ANAPC1: variants seen among roughly 807,000 people sequenced by gnomAD.
ANAPC1 encodes the protein anaphase promoting complex subunit 1.
ANAPC1 carries 36 observed loss-of-function variants against 208.0 expected under a neutral mutation model. That is an observed-to-expected ratio of 0.17 (90% CI 0.13 to 0.23). The LOEUF is 0.23. ANAPC1 is among the 10% of genes least tolerant of loss of function. The probability of loss-of-function intolerance (pLI) is 1.00; values close to 1 mark genes in which losing one functional copy is unlikely to be tolerated. For missense variants in ANAPC1, 942 were observed against 2,011.6 expected (o/e 0.47, Z 10.17); for synonymous variants, 378 against 695.2 (o/e 0.54, Z 7.18).
Position 111,834,812 on chromosome 2 carries a change from T to A in ANAPC1, c.2176A>T (p.Arg726Ter). ...HQNVESHLLN[R>*]SLCLSPSEAS... ...TCTGAAGGACTCAGACATAAAGATC[T>A]GTTCAAAAGATGAGACTCAACATTC... Residue 726 changes from arginine to a stop codon, truncating the protein, a stop_gained, in exon 19 of 48, where the codon AGA (arginine) becomes TGA (stop). Transcript: ENST00000341068. LOFTEE classifies it high-confidence loss of function. 1 of 1,611,418 alleles carries A rather than the reference T, an allele frequency of 6.2e-7. No homozygotes were observed. Among genetic ancestry groups the A allele is most frequent in the Non-Finnish European group, 8.5e-7 (1 of 1,179,240 alleles).
intron 27 of ANAPC1, among the ~76,000 whole-genome samples, chr2:111,817,287 C>T (rs1023829576): frequency 6.7e-6 from 1 of 148,950 alleles, no homozygotes; most frequent in Non-Finnish European, 1.5e-5. Flanking sequence ...TTTTTAAACC[C>T]ACCCAAGTAT....
downstream of ANAPC1, chr2:111,766,735 TG>T (rs1250148508): frequency 3.1e-6 from 1 of 327,626 alleles, no homozygotes; most frequent in Non-Finnish European, 6.4e-6. Context: ...CTGACCCATC[TG>T]CCCACAGGCA....
intron 35 of ANAPC1, among the ~76,000 whole-genome samples, 183 bp from the exon 36 acceptor site, chr2:111,794,506 C>T (rs542091616): frequency 1.5e-3 from 230 of 152,094 alleles, no homozygotes; most frequent in African/African-American, 5.3e-3. Flanking sequence ...TCACCTTACT[C>T]ATGAAGTTTG....
rs763752022 is a variant in ANAPC1, at chr2:111,794,807, A to G, written c.4373+11T>C. ...CGCTAGGATAGCTAATTTGCATTAT[A>G]CATCACTTACGACAAAGTTTCCAAA... On this transcript the variant is annotated intron_variant, in intron 35 of 47. Transcript: ENST00000341068. 13 of 1,335,460 alleles carry G rather than the reference A, an allele frequency of 9.7e-6. No individual in the cohort carries two copies. The East Asian group carries it at 2.7e-4, about 28-fold the overall frequency. 82.7% of individuals were successfully genotyped at this position (1,335,460 alleles called of 1,614,324 possible). A position where few individuals can be genotyped will look rare whatever the true frequency, so the allele number is the denominator to read the frequency against.
chr2:111,770,228 T>TAA (rs1553410396), intron 47 of ANAPC1, among the ~76,000 whole-genome samples: 3 of 104,402 alleles, frequency 2.9e-5, no homozygotes, highest in African/African-American at 7.7e-5. Flanking sequence ...TATATATATA[T>TAA]AAATTCTTTA....
chr2:111,785,799 A>G (rs1384625046), intron 39 of ANAPC1, among the ~76,000 whole-genome samples: 1 of 150,060 alleles, frequency 6.7e-6, no homozygotes, highest in Non-Finnish European at 1.5e-5. Flanking sequence ...ACTCTCAAAA[A>G]CCCCTTTCTA....
intron 11 of ANAPC1, chr2:111,857,094 T>C (rs1396418267): frequency 5.8e-6 from 3 of 513,044 alleles, no homozygotes; most frequent in Non-Finnish European, 1.1e-5. Context: ...TATAAGGAGT[T>C]AACGTAAGAC....
rs982155048 is a variant in ANAPC1 at position 111,825,643 on chromosome 2, G to C, written c.2704+134C>G. 6.6e-5 allele frequency: 52 copies of C among 786,842 alleles called. No individual in the cohort carries two copies. In the South Asian group the frequency reaches 1.1e-3, roughly 17 times the overall value. 48.7% of individuals were successfully genotyped at this position (786,842 alleles called of 1,614,324 possible). ...GAAAATTAGTTGTGGACAAAAGACC[G>C]CAACAGACCAGAACAGTACTAAAAA... On this transcript the variant is annotated intron_variant, in intron 22 of 47. Transcript: ENST00000341068.
intron 9 of ANAPC1, among the ~76,000 whole-genome samples, chr2:111,862,902 T>G (rs1236253188): frequency 6.6e-6 from 1 of 152,120 alleles, no homozygotes; most frequent in African/African-American, 2.4e-5. Flanking sequence ...TGTCCCTGTA[T>G]AGTCAGACAT....
At chr2:111,880,164 C>T (rs1225963208) in intron 2 of ANAPC1, among the ~76,000 whole-genome samples, 5 of 151,802 alleles carry the variant, frequency 3.3e-5, no homozygotes, top group Non-Finnish European at 5.9e-5. Flanking sequence ...ACCTGAGGTC[C>T]GGAGTTCAAG....
chr2:111,794,355 A>C lies in ANAPC1; in HGVS notation c.4374-32T>G, dbSNP rs770291690. The C allele has an allele frequency of 2.3e-6, 3 of 1,284,458 alleles. No homozygotes were observed. In the East Asian group the frequency reaches 7.3e-5, roughly 31 times the overall value. The allele number at this position is 1,284,458 out of a possible 1,614,324, so 79.6% of individuals were successfully genotyped here. A position where few individuals can be genotyped will look rare whatever the true frequency, so the allele number is the denominator to read the frequency against. On this transcript the variant is annotated intron_variant, in intron 35 of 47. Coordinates refer to ENST00000341068, the MANE Select transcript of ANAPC1 (RefSeq NM_022662.4). ...ACAGGTGACAAGAAATTTAATAATC[A>C]TTATTTTACTTTAAAATTAACTTGA...
chr2:111,806,634 C>T (rs1221940636), intron 29 of ANAPC1, among the ~76,000 whole-genome samples: 1 of 108,652 alleles, frequency 9.2e-6, no homozygotes, highest in Non-Finnish European at 1.9e-5. Context: ...AAGGAGGTCA[C>T]TTACTTATGT....
chr2:111,874,687 G>A (rs893794950), intron 3 of ANAPC1, among the ~76,000 whole-genome samples: 2 of 152,184 alleles, frequency 1.3e-5, no homozygotes, highest in Non-Finnish European at 2.9e-5. Context: ...GACATGGGTT[G>A]TTTCTACCTT....
In ANAPC1 at chr2:111,880,007, C is replaced by T. The variant is rs1275007132; in HGVS notation, c.213+606G>A. On this transcript the variant is annotated intron_variant, in intron 2 of 47. Transcript: ENST00000341068. The stretch of plus-strand genomic sequence containing the variant: ...TCATTAGATAACATGAAATCTGGTC[C>T]CCACATATTAAGTGAAAAGAAAAAG... Among the ~76,000 whole-genome samples, 3 of 152,214 alleles carry T rather than the reference C, an allele frequency of 2.0e-5. No homozygotes were observed. The East Asian group carries it at 5.8e-4, about 29-fold the overall frequency.
chr2:111,858,939 G>C (rs1179211320), intron 10 of ANAPC1, among the ~76,000 whole-genome samples: 1 of 152,102 alleles, frequency 6.6e-6, no homozygotes, highest in Admixed American at 6.6e-5. Flanking sequence ...GTTGGGGAAA[G>C]CTACAATAAA....
intron 26 of ANAPC1, chr2:111,819,244 CAAAA>C (rs1484545413): frequency 1.1e-6 from 1 of 890,364 alleles, no homozygotes; most frequent in East Asian, 1.2e-4. Flanking sequence ...TCTAGGCATT[CAAAA>C]AAAAAAAGAA....
intron 18 of ANAPC1, among the ~76,000 whole-genome samples, chr2:111,835,674 TA>T (rs199729086): frequency 6.6e-6 from 1 of 151,620 alleles, no homozygotes; most frequent in Admixed American, 6.6e-5. Flanking sequence ...CCATCACTTC[TA>T]AAAAAATACA....
At chr2:111,851,616 C>A (rs1481192199) in intron 13 of ANAPC1, among the ~76,000 whole-genome samples, 5 of 151,702 alleles carry the variant, frequency 3.3e-5, no homozygotes, top group Admixed American at 6.6e-5. Context: ...AGCATCCTGC[C>A]TAACACAGTG....
intron 17 of ANAPC1, among the ~76,000 whole-genome samples, chr2:111,840,412 T>G (rs773289947): frequency 2.0e-5 from 3 of 152,218 alleles, no homozygotes; most frequent in Non-Finnish European, 4.4e-5. Context: ...CAAAGCAACT[T>G]GGCCTCAAGA....
Sources: gnomAD v4.1 joint callset for allele counts (sites outside exome capture counted in the v4.1 genomes callset) on GRCh38, gnomAD v4.1.1 for gene constraint, MANE v1.5 for transcripts, NCBI Gene and HGNC (gene_info 2026-07-23, HGNC 2026-07-21) for gene names.